The following NREP variants were observed in gnomAD, a reference collection of about 807,000 sequenced individuals.
NREP encodes neuronal regeneration related protein, also known as neuronal regeneration-related protein.
NREP carries 5 observed loss-of-function variants against 8.6 expected under a neutral mutation model. The ratio of observed to expected loss-of-function variants is 0.58; its 90% CI spans 0.30 to 1.22. The LOEUF (loss-of-function observed/expected upper bound fraction) is 1.22, where lower values mean the gene tolerates loss of function less well. NREP is among the 50% of genes most tolerant of loss of function. The probability of loss-of-function intolerance (pLI) is 0.07; values close to 1 mark genes in which losing one functional copy is unlikely to be tolerated. For synonymous variants in NREP, 27 were observed against 28.0 expected (o/e 0.96, Z 0.11); for missense variants, 86 against 82.5 (o/e 1.04, Z -0.17).
intron 2 of NREP, among the ~76,000 whole-genome samples, chr5:111,943,015 T>C (rs915141140): frequency 2.0e-5 from 3 of 151,696 alleles, no homozygotes; most frequent in African/African-American, 7.3e-5. Context: ...CTCTCCCCTT[T>C]CTCCCCTTTG....
intron 2 of NREP, among the ~76,000 whole-genome samples, chr5:111,850,425 C>G (rs964637741): frequency 6.6e-5 from 10 of 152,166 alleles, no homozygotes; most frequent in African/African-American, 2.4e-4. Flanking sequence ...ATGTCTCTAA[C>G]TATCATTTCC....
intron 2 of NREP, among the ~76,000 whole-genome samples, chr5:111,921,889 T>C (rs1755250079): frequency 6.6e-6 from 1 of 152,012 alleles, no homozygotes; most frequent in African/African-American, 2.4e-5. Flanking sequence ...TTATCAGGGG[T>C]TTCCACTTTT....
chr5:111,945,572 G>C (rs1353494158), intron 2 of NREP, among the ~76,000 whole-genome samples: 2 of 151,636 alleles, frequency 1.3e-5, no homozygotes, highest in East Asian at 3.9e-4. Flanking sequence ...AAGAAAAGAG[G>C]AAAGTCAGAA....
chr5:111,908,050 A>G (rs1581208560), intron 2 of NREP, among the ~76,000 whole-genome samples: 1 of 152,198 alleles, frequency 6.6e-6, no homozygotes, highest in South Asian at 2.1e-4. Context: ...AAAATGAATG[A>G]TGACTAGTTG....
chr5:111,900,111 G>A (rs1401532384), intron 2 of NREP, among the ~76,000 whole-genome samples: 10 of 151,882 alleles, frequency 6.6e-5, no homozygotes, highest in Non-Finnish European at 7.4e-5. Context: ...AGACCATAAT[G>A]AAATAAAACT....
chr5:111,748,585 CATT>C (rs1750157501), intron 2 of NREP, among the ~76,000 whole-genome samples: 1 of 152,150 alleles, frequency 6.6e-6, no homozygotes, highest in Non-Finnish European at 1.5e-5. Flanking sequence ...TCCAAGGTCT[CATT>C]AGGAAATGTC....
chr5:111,757,986 C>T (rs1379987734), upstream of NREP: 25 of 985,510 alleles, frequency 2.5e-5, no homozygotes, highest in Non-Finnish European at 3.0e-5. Flanking sequence ...CGGCGACGGG[C>T]GGCAGCCGCC....
intron 2 of NREP, among the ~76,000 whole-genome samples, chr5:111,884,133 A>G (rs1485438497): frequency 2.0e-5 from 3 of 152,186 alleles, no homozygotes; most frequent in African/African-American, 7.2e-5. Context: ...AAAAAATGAT[A>G]AAGGGGATAT....
chr5:111,944,722 A>T (rs1411304516), intron 2 of NREP, among the ~76,000 whole-genome samples: 2 of 152,122 alleles, frequency 1.3e-5, no homozygotes, highest in African/African-American at 4.8e-5. Flanking sequence ...GATCACTTTG[A>T]TTAGGATGAC....
At chr5:111,816,634 A>G (rs936441824) in intron 2 of NREP, among the ~76,000 whole-genome samples, 6 of 151,840 alleles carry the variant, frequency 4.0e-5, no homozygotes, top group Admixed American at 6.6e-5. Context: ...ACCTAATACT[A>G]AGGGCATAAT....
At chr5:111,959,625 T>C (rs895410937) in intron 2 of NREP, among the ~76,000 whole-genome samples, 8 of 151,994 alleles carry the variant, frequency 5.3e-5, no homozygotes, top group African/African-American at 1.9e-4. Context: ...TGACCTATGG[T>C]CAAAATTGAC....
chr5:111,937,469 A>G (rs1222795640), intron 2 of NREP, among the ~76,000 whole-genome samples: 1 of 152,094 alleles, frequency 6.6e-6, no homozygotes, highest in East Asian at 1.9e-4. Context: ...AATTTTCTAT[A>G]TACAGCTCTC....
intron 2 of NREP, among the ~76,000 whole-genome samples, chr5:111,933,576 A>T (rs1256848700): frequency 6.6e-6 from 1 of 152,038 alleles, no homozygotes; most frequent in Non-Finnish European, 1.5e-5. Context: ...CAAGCCAAGG[A>T]CAGAATGACT....
chr5:111,755,675 T>C (rs1750654752), intron 2 of NREP, 95 bp downstream of exon 2: 5 of 1,378,472 alleles, frequency 3.6e-6, no homozygotes, highest in East Asian at 2.3e-5. Context: ...TGTAGAACAA[T>C]GAAGGGTTGA....
At chr5:111,757,542 C>T (rs1163837625), upstream of NREP, 6 of 984,894 alleles carry the variant, frequency 6.1e-6, no homozygotes, top group Admixed American at 3.1e-4. Context: ...GTGCAGCCGC[C>T]TAGGAGCCAG....
At chr5:111,732,193 G>T (rs943731089) in intron 3 of NREP, 2 of 152,082 alleles carry the variant, frequency 1.3e-5, no homozygotes, top group Non-Finnish European at 2.9e-5. Context: ...TTACTTTGTG[G>T]CCTATAAATT....
At chr5:111,860,235 T>A (rs934494746) in intron 2 of NREP, among the ~76,000 whole-genome samples, 1 of 152,064 alleles carries the variant, frequency 6.6e-6, no homozygotes, top group African/African-American at 2.4e-5. Context: ...TCTCCACAAA[T>A]GATACCACTG....
chr5:111,940,701 C>T (rs1755805928), intron 2 of NREP, among the ~76,000 whole-genome samples: 2 of 152,002 alleles, frequency 1.3e-5, no homozygotes, highest in South Asian at 4.1e-4. Flanking sequence ...TACCCAGGTC[C>T]ACCCTCACTT....
Position 111,755,716 on chromosome 5 carries a change from A to G in NREP, c.3+54T>C, listed in dbSNP as rs374373611. On this transcript the variant is annotated intron_variant, in intron 2 of 3. Coordinates refer to ENST00000257435, the MANE Select transcript of NREP (RefSeq NM_004772.4). ...ATGAAGATGGGTGGTTGATATTTAT[A>G]TGTAACAGACTGGTAAGAAGTACTG... 2.5e-6 allele frequency: 4 copies of G among 1,588,510 alleles called. No homozygotes were observed. The African/African-American group carries it at 5.4e-5, about 21-fold the overall frequency.
Sources: allele counts gnomAD v4.1 joint callset (sites outside exome capture counted in the v4.1 genomes callset), GRCh38; gene constraint gnomAD v4.1.1; transcripts MANE v1.5; gene names NCBI Gene and HGNC (gene_info 2026-07-23, HGNC 2026-07-21).